The following NLRP3 variants were observed in gnomAD, a reference collection of about 807,000 sequenced individuals.
The protein encoded by NLRP3 is NACHT, LRR and PYD domains-containing protein 3.
A neutral mutation model predicts 91.3 loss-of-function variants in NLRP3; 48 were observed. The observed-to-expected ratio is 0.53, with a 90% CI of 0.42 to 0.67. The LOEUF (loss-of-function observed/expected upper bound fraction) is 0.67, where lower values mean the gene tolerates loss of function less well. NLRP3 is among the 30% of genes least tolerant of loss of function. The probability of loss-of-function intolerance (pLI) is 0.00; values close to 1 mark genes in which losing one functional copy is unlikely to be tolerated. For missense variants in NLRP3, 982 were observed against 1,276.9 expected, an observed-to-expected ratio of 0.77 and a Z score of 3.52; for synonymous variants, 561 against 507.9, an observed-to-expected ratio of 1.10 and a Z score of -1.41.
intron 5 of NLRP3, among the ~76,000 whole-genome samples, chr1:247,430,106 C>T (rs1040695574): frequency 6.6e-6 from 1 of 152,068 alleles, no homozygotes; most frequent in Non-Finnish European, 1.5e-5. Flanking sequence ...GAAGTCCTGA[C>T]CTCAGGTGAT....
At chr1:247,434,888 T>TA (rs1663670948) in intron 6 of NLRP3, among the ~76,000 whole-genome samples, 1 of 152,148 alleles carries the variant, frequency 6.6e-6, no homozygotes, top group African/African-American at 2.4e-5. Flanking sequence ...CAGCAATTCC[T>TA]AAAAAATAAA....
At position 247,424,786 on chromosome 1, in the gene NLRP3, C is replaced by T; in HGVS notation, c.1337C>T (p.Ser446Phe). The stretch of plus-strand genomic sequence containing the variant: ...ACCGCGGTGTACGTCTTCTTCCTTT[C>T]CAGTTTGCTGCAGCCCCGGGGAGGG... ...TTTAVYVFFLSSLLQPRGGSQ... is the reference protein window; with the variant it reads ...TTTAVYVFFLFSLLQPRGGSQ... Residue 446 changes from serine (S) to phenylalanine (F), a missense_variant, in exon 4 of 10, where the codon TCC becomes TTC. By Grantham distance (155) the Ser-to-Phe change is radical (BLOSUM62 -2). Transcript: ENST00000336119. This position sits in a 1 kb window ranked among gnomAD's most constrained non-coding sequence, Gnocchi z 8.1. The T allele has an allele frequency of 1.2e-6, 2 of 1,610,982 alleles. No homozygotes were observed. The highest frequency in any genetic ancestry group is 2.7e-5 in the African/African-American group (2 of 75,062).
At chr1:247,432,043 C>T (rs1456871545) in intron 5 of NLRP3, among the ~76,000 whole-genome samples, 1 of 152,192 alleles carries the variant, frequency 6.6e-6, no homozygotes, top group Non-Finnish European at 1.5e-5. Flanking sequence ...GGCCACCACG[C>T]CCAGCTGATT....
At chr1:247,420,127 A>G (rs1449733378) in intron 2 of NLRP3, among the ~76,000 whole-genome samples, 1 of 152,170 alleles carries the variant, frequency 6.6e-6, no homozygotes, top group Non-Finnish European at 1.5e-5. Context: ...GTGAGGTGGT[A>G]TCTCACTGTA....
In NLRP3 at chr1:247,444,789, G is replaced by A. The variant is rs1664483922; in HGVS notation, c.2973G>A (p.Leu991=). The A allele has an allele frequency of 2.5e-6, 4 of 1,614,086 alleles. No homozygotes were observed. The highest frequency in any genetic ancestry group is 3.4e-6 in the Non-Finnish European group (4 of 1,180,034). ...GGGTCATGATGTTCTGTGAAGTGCTGAAACAGCAGAGCTGCCTCCTGCAGA... is the reference window on the plus strand; with the variant it reads ...GGGTCATGATGTTCTGTGAAGTGCTAAAACAGCAGAGCTGCCTCCTGCAGA... The part of the protein sequence containing the change: ...DLGVMMFCEV[L]KQQSCLLQNL... The change falls in exon 9 of 10, where the codon CTG becomes CTA. Residue 991 remains leucine (L), a synonymous_variant. Coordinates refer to ENST00000336119, the MANE Select transcript of NLRP3 (RefSeq NM_001243133.2).
chr1:247,440,942 A>G (rs1409004022), intron 7 of NLRP3, among the ~76,000 whole-genome samples: 1 of 152,130 alleles, frequency 6.6e-6, no homozygotes, highest in Non-Finnish European at 1.5e-5. Context: ...GTCCATTTAA[A>G]AGCAGGGATA....
At chr1:247,445,858 A>C (rs1484014874) in intron 9 of NLRP3, among the ~76,000 whole-genome samples, 2 of 151,912 alleles carry the variant, frequency 1.3e-5, no homozygotes, top group African/African-American at 2.4e-5. Context: ...TTTCTTCCCT[A>C]CACTTTCTCC....
At chr1:247,438,758 AAC>A (rs1663987554) in intron 7 of NLRP3, among the ~76,000 whole-genome samples, 1 of 152,192 alleles carries the variant, frequency 6.6e-6, no homozygotes, top group Non-Finnish European at 1.5e-5. Context: ...TCTCAATTTC[AAC>A]AACAGTAGGT....
In NLRP3 at chr1:247,429,275, C is replaced by T. The variant is rs551275124; in HGVS notation, c.2151-310C>T. ...TGCCCTCTGATCACCCAGCACAGAACGTTCAGGGCCATGTTGGGACAGTGG... is the reference window on the plus strand; with the variant it reads ...TGCCCTCTGATCACCCAGCACAGAATGTTCAGGGCCATGTTGGGACAGTGG... On this transcript the variant is annotated intron_variant, in intron 4 of 9. Coordinates refer to ENST00000336119, the MANE Select transcript of NLRP3 (RefSeq NM_001243133.2). Among the ~76,000 whole-genome samples, 14 of 152,176 alleles carry T rather than the reference C, an allele frequency of 9.2e-5. No homozygotes were observed. In the East Asian group the frequency reaches 2.1e-3, roughly 23 times the overall value.
In NLRP3 at chr1:247,434,201, C is replaced by T; in HGVS notation, c.2420C>T (p.Ala807Val). The T allele has an allele frequency of 6.2e-7, 1 of 1,614,236 alleles. No individual in the cohort carries two copies. The highest frequency in any genetic ancestry group is 1.6e-4 in the Middle Eastern group (1 of 6,062). The change falls in exon 6 of 10, where the codon GCC becomes GTC. Residue 807 changes from alanine to valine, a missense_variant. By Grantham distance (64) the Ala-to-Val change is moderately conservative. This residue lies in a region of NLRP3 where 373 missense variants were observed against 431.5 expected (regional missense o/e 0.86). Transcript: ENST00000336119. ...GTGGAGCTGGACCTGAGTGACAACGCCCTCGGTGACTTCGGAATCAGACTT... is the reference window on the plus strand; with the variant it reads ...GTGGAGCTGGACCTGAGTGACAACGTCCTCGGTGACTTCGGAATCAGACTT... The part of the protein sequence containing the change: ...KLVELDLSDN[A>V]LGDFGIRLLC...
chr1:247,448,723 C>A lies in NLRP3; in HGVS notation c.*219C>A. The A allele has an allele frequency of 1.7e-6, 1 of 603,450 alleles. No individual in the cohort carries two copies. The allele number at this position is 603,450 out of a possible 1,614,324, so 37.4% of individuals were successfully genotyped here. ...GAAGACACCAGGACAATGACAGCAT[C>A]GGGTGTTGTTGTCATCACAGCGCCT... is the stretch of plus-strand genomic sequence containing the variant. On this transcript the variant is annotated 3_prime_UTR_variant, in exon 10 of 10. Transcript: ENST00000336119.
At position 247,434,278 on chromosome 1, in the gene NLRP3, G is replaced by A. The variant is rs757448668; in HGVS notation, c.2492+5G>A. The A allele has an allele frequency of 6.2e-7, 1 of 1,614,136 alleles. No homozygotes were observed. The highest frequency in any genetic ancestry group is 1.1e-5 in the South Asian group (1 of 91,078). On this transcript the variant is annotated splice_donor_5th_base_variant and intron_variant, in intron 6 of 9. Transcript: ENST00000336119. ...GTGCAATCTGAAGAAGCTCTGGTGAGTCGAGCCCGTTCCCCTAAGGAAGTT... is the reference window on the plus strand; with the variant it reads ...GTGCAATCTGAAGAAGCTCTGGTGAATCGAGCCCGTTCCCCTAAGGAAGTT...
rs760653458 is a variant in NLRP3 at position 247,424,821 on chromosome 1, C to T, written c.1372C>T (p.His458Tyr). 1.9e-6 allele frequency: 3 copies of T among 1,608,188 alleles called. No individual in the cohort carries two copies. Among genetic ancestry groups the T allele is most frequent in the Non-Finnish European group, 2.5e-6 (3 of 1,180,002 alleles). ...GCAGCCCCGGGGAGGGAGCCAGGAG[C>T]ACGGCCTCTGCGCCCACCTCTGGGG... ...LLQPRGGSQE[H>Y]GLCAHLWGLC... The change falls in exon 4 of 10, where the codon CAC becomes TAC. Residue 458 changes from histidine (H) to tyrosine (Y), a missense_variant. His to Tyr is a moderately conservative substitution (Grantham distance 83, BLOSUM62 2). Transcript: ENST00000336119. This position sits in a 1 kb window ranked among gnomAD's most constrained non-coding sequence, Gnocchi z 8.1.
Position 247,429,760 on chromosome 1 carries a change from G to T in NLRP3, c.2321+5G>T. 1.2e-6 allele frequency: 2 copies of T among 1,613,514 alleles called. No individual in the cohort carries two copies. Among genetic ancestry groups the T allele is most frequent in the Admixed American group, 1.7e-5 (1 of 60,022 alleles). On this transcript the variant is annotated splice_donor_5th_base_variant and intron_variant, in intron 5 of 9. Transcript: ENST00000336119. ...CTGTAACATTCGGAGATTGTGGTGAGTCCCCGTGCATGTGATCTGTGTGAG... is the reference window on the plus strand; with the variant it reads ...CTGTAACATTCGGAGATTGTGGTGATTCCCCGTGCATGTGATCTGTGTGAG...
At chr1:247,423,651 G>A (rs1396715967) in intron 3 of NLRP3, among the ~76,000 whole-genome samples, 196 bp from the exon 4 acceptor site, 3 of 151,938 alleles carry the variant, frequency 2.0e-5, no homozygotes. Flanking sequence ...CATAGAGATG[G>A]GCCTTCTGCT....
At chr1:247,417,738 G>A (rs1346004218) in intron 1 of NLRP3, among the ~76,000 whole-genome samples, 3 of 152,008 alleles carry the variant, frequency 2.0e-5, no homozygotes, top group Non-Finnish European at 4.4e-5. Flanking sequence ...CGCCCACCTC[G>A]GCCTCCCAAA....
At chr1:247,432,649 G>A (rs1572194147) in intron 5 of NLRP3, among the ~76,000 whole-genome samples, 1 of 152,188 alleles carries the variant, frequency 6.6e-6, no homozygotes, top group Non-Finnish European at 1.5e-5. Context: ...GGGACAGTGA[G>A]ATGCTTCGCA....
chr1:247,430,539 T>G (rs1663236877), intron 5 of NLRP3, among the ~76,000 whole-genome samples: 1 of 151,974 alleles, frequency 6.6e-6, no homozygotes, highest in Admixed American at 6.6e-5. Flanking sequence ...AACATGTAAA[T>G]TTTTGGGGGG....
chr1:247,435,931 G>A (rs1199629086), intron 6 of NLRP3, 39 bp from the exon 7 acceptor site: 1 of 1,607,974 alleles, frequency 6.2e-7, no homozygotes, highest in Admixed American at 1.7e-5. Context: ...TGGAGCGTGG[G>A]TGAGAGACAT....
Sources: gnomAD v4.1 joint callset for allele counts (sites outside exome capture counted in the v4.1 genomes callset) on GRCh38, gnomAD v4.1.1 for gene constraint, gnomAD v4.1.1 regional missense constraint, Gnocchi (gnomAD v3.1) non-coding constraint, MANE v1.5 for transcripts, NCBI Gene and HGNC (gene_info 2026-07-23, HGNC 2026-07-21) for gene names.